Variants in NELL2 observed in about 807,000 individuals in gnomAD.
NELL2 encodes the protein neural EGFL like 2.
Under a neutral mutation model 109.6 loss-of-function variants are expected in NELL2, and 41 were observed. That is an observed-to-expected ratio of 0.37 (90% CI 0.29 to 0.49). The LOEUF (loss-of-function observed/expected upper bound fraction) is 0.49, where lower values mean the gene tolerates loss of function less well. Among genes scored for constraint, NELL2 ranks in the 20% least tolerant of loss-of-function variants. NELL2 has a pLI of 0.98. For synonymous variants in NELL2, 355 were observed against 344.7 expected, an observed-to-expected ratio of 1.03 and a Z score of -0.33; for missense variants, 900 against 1,008.3, an observed-to-expected ratio of 0.89 and a Z score of 1.45.
At chr12:44,786,474 C>T (rs1368733075) in intron 3 of NELL2, among the ~76,000 whole-genome samples, 1 of 152,116 alleles carries the variant, frequency 6.6e-6, no homozygotes, top group Non-Finnish European at 1.5e-5. Context: ...GTGGCAATTC[C>T]TCAAGGATCT....
At chr12:44,798,946 C>CT (rs1157006162) in intron 3 of NELL2, among the ~76,000 whole-genome samples, 1,292 of 77,434 alleles carry the variant, frequency 0.017, 194 homozygotes, top group African/African-American at 0.037. Context: ...ATGATTTCCA[C>CT]TTTTTTTTTT....
intron 9 of NELL2, among the ~76,000 whole-genome samples, chr12:44,772,727 A>C (rs1941596434): frequency 6.6e-6 from 1 of 152,214 alleles, no homozygotes; most frequent in Non-Finnish European, 1.5e-5. Flanking sequence ...ATGTGAACAG[A>C]AAGATAAAGT....
intron 9 of NELL2, among the ~76,000 whole-genome samples, chr12:44,738,477 T>TAA (rs78566142): frequency 0.028 from 3,955 of 142,800 alleles, 177 homozygotes; most frequent in African/African-American, 0.094. Flanking sequence ...TTATTTATCT[T>TAA]AAAAAAAAAA....
At chr12:44,890,080 C>T (rs540154343) in intron 1 of NELL2, among the ~76,000 whole-genome samples, 2 of 152,194 alleles carry the variant, frequency 1.3e-5, no homozygotes, top group Non-Finnish European at 1.5e-5. Flanking sequence ...TGTCTGTTCA[C>T]ATGTATCATT....
intron 2 of NELL2, 139 bp from the exon 3 acceptor site, chr12:44,816,275 A>G (rs1592590484): frequency 7.7e-6 from 5 of 653,088 alleles, no homozygotes; most frequent in East Asian, 2.9e-5. Context: ...CTCTTGGTAA[A>G]TTATTTTTCA....
At chr12:44,685,099 C>T (rs1237690002) in intron 12 of NELL2, among the ~76,000 whole-genome samples, 1 of 152,152 alleles carries the variant, frequency 6.6e-6, no homozygotes, top group African/African-American at 2.4e-5. Context: ...AATCTGGGTG[C>T]TCCTGTATTG....
chr12:44,852,488 C>G (rs1476646994), intron 2 of NELL2, among the ~76,000 whole-genome samples: 1 of 152,112 alleles, frequency 6.6e-6, no homozygotes, highest in African/African-American at 2.4e-5. Flanking sequence ...TTTAAACATT[C>G]CCTCTCTTTT....
chr12:44,643,619 T>G (rs893083859), intron 13 of NELL2, among the ~76,000 whole-genome samples: 1 of 152,160 alleles, frequency 6.6e-6, no homozygotes, highest in African/African-American at 2.4e-5. Context: ...TACATCTATA[T>G]CTGAAAGAAA....
chr12:44,583,907 G>A lies in NELL2; in HGVS notation c.1663+23262C>T, dbSNP rs528699387. 3.9e-5 allele frequency among the ~76,000 whole-genome samples: 6 copies of A among 152,192 alleles called. No homozygotes were observed. In the South Asian group the frequency reaches 1.0e-3, roughly 26 times the overall value. On this transcript the variant is annotated intron_variant, in intron 15 of 19. Coordinates refer to ENST00000429094, the MANE Select transcript of NELL2 (RefSeq NM_001145108.2). ...CCCACCTCAGCCTCCCGAACAGCTG[G>A]GACTACAGGTGTGCACCACCACACC...
chr12:44,909,508 T>G (rs1945755713), intron 1 of NELL2, among the ~76,000 whole-genome samples: 1 of 151,828 alleles, frequency 6.6e-6, no homozygotes, highest in African/African-American at 2.4e-5. Context: ...AAAATACCCA[T>G]AGTACCAAAA....
At chr12:44,821,343 G>A (rs1943536543) in intron 2 of NELL2, among the ~76,000 whole-genome samples, 2 of 152,134 alleles carry the variant, frequency 1.3e-5, no homozygotes, top group Admixed American at 1.3e-4. Context: ...AAATTGTACT[G>A]CTCCTGAACA....
At chr12:44,604,767 G>A (rs1319918765) in intron 15 of NELL2, among the ~76,000 whole-genome samples, 1 of 152,078 alleles carries the variant, frequency 6.6e-6, no homozygotes, top group Non-Finnish European at 1.5e-5. Context: ...TGAGGGCAAT[G>A]GGGAACATGA....
intron 13 of NELL2, among the ~76,000 whole-genome samples, chr12:44,630,533 C>A (rs1202930939): frequency 6.6e-6 from 1 of 152,154 alleles, no homozygotes; most frequent in African/African-American, 2.4e-5. Flanking sequence ...TCAACCCCAG[C>A]CACATGGCCA....
intron 15 of NELL2, among the ~76,000 whole-genome samples, chr12:44,550,734 G>T (rs1392385010): frequency 1.3e-5 from 2 of 152,012 alleles, no homozygotes; most frequent in Non-Finnish European, 2.9e-5. Context: ...CGGACCAGGA[G>T]GGCATAACAT....
intron 2 of NELL2, among the ~76,000 whole-genome samples, chr12:44,824,673 ATTTATTTATTTATTT>A (rs1303551183): frequency 8.2e-3 from 17 of 2,070 alleles, no homozygotes; most frequent in Admixed American, 0.067. Context: ...TTATTTATTT[ATTTATTTATTTATTT>A]ATTTATTTAT....
chr12:44,688,167 A>G (rs575877453), intron 12 of NELL2, among the ~76,000 whole-genome samples: 1 of 152,344 alleles, frequency 6.6e-6, no homozygotes, highest in African/African-American at 2.4e-5. Flanking sequence ...TGGTTAGAAT[A>G]TTATTCAGAC....
chr12:44,869,972 T>C (rs1945116816), intron 2 of NELL2, among the ~76,000 whole-genome samples: 1 of 152,170 alleles, frequency 6.6e-6, no homozygotes, highest in Non-Finnish European at 1.5e-5. Flanking sequence ...TTCAACACTT[T>C]TGTTGCTTAC....
chr12:44,539,309 G>T (rs951796915), intron 15 of NELL2, among the ~76,000 whole-genome samples: 1 of 151,930 alleles, frequency 6.6e-6, no homozygotes, highest in Admixed American at 6.6e-5. Flanking sequence ...TTTATTAGTT[G>T]GTGGACTTCT....
At chr12:44,596,061 G>T (rs768008479) in intron 15 of NELL2, among the ~76,000 whole-genome samples, 2 of 152,094 alleles carry the variant, frequency 1.3e-5, no homozygotes, top group Non-Finnish European at 2.9e-5. Context: ...CACTTAAAAG[G>T]TATTAGTATT....
Sources: gnomAD v4.1 joint callset for allele counts (sites outside exome capture counted in the v4.1 genomes callset) on GRCh38, gnomAD v4.1.1 for gene constraint, MANE v1.5 for transcripts, NCBI Gene and HGNC (gene_info 2026-07-23, HGNC 2026-07-21) for gene names.